Variants in STPG2 observed in about 807,000 individuals in gnomAD.
STPG2 encodes sperm-tail PG-rich repeat-containing protein 2.
Under a neutral mutation model 54.2 loss-of-function variants are expected in STPG2, and 56 were observed. The observed-to-expected ratio is 1.03, with a 90% CI of 0.83 to 1.29. The LOEUF (loss-of-function observed/expected upper bound fraction) is 1.29. Ranked by LOEUF, STPG2 falls within the 50% of genes most tolerant of loss-of-function variation. The pLI, the probability that STPG2 is intolerant of heterozygous loss-of-function variation, is 0.00. For synonymous variants in STPG2, 200 were observed against 181.8 expected (o/e 1.10, Z -0.81); for missense variants, 596 against 544.9 (o/e 1.09, Z -0.93).
Position 97,451,136 on chromosome 4 carries a change from G to A in STPG2, c.462+261563C>T, listed in dbSNP as rs191070365. 2.8e-3 allele frequency among the ~76,000 whole-genome samples: 429 copies of A among 152,130 alleles called. 3 individuals are homozygous for A. The highest frequency in any genetic ancestry group is 9.6e-3 in the African/African-American group (398 of 41,512). On this transcript the variant is annotated intron_variant, in intron 4 of 4. Transcript: ENST00000522676. ...GAAAGACCCAGGGTCAAGACTTTACGAACTCTCAAATTCATAGCCAGATAT... is the reference window on the plus strand; with the variant it reads ...GAAAGACCCAGGGTCAAGACTTTACAAACTCTCAAATTCATAGCCAGATAT...
At position 97,923,498 on chromosome 4, in the gene STPG2, G is replaced by A. The variant is rs183304088; in HGVS notation, c.1044+20399C>T. Among the ~76,000 whole-genome samples, 1,093 of 152,372 alleles carry A rather than the reference G, an allele frequency of 7.2e-3. 15 individuals are homozygous for A. The highest frequency in any genetic ancestry group is 7.6e-3 in the Non-Finnish European group (516 of 68,040). On this transcript the variant is annotated intron_variant, in intron 8 of 10. Transcript: ENST00000295268. ...CAGCTGGGCTCCTGAGTCTAGTGGG[G>A]ACTTGGAGAATCTTTATGTCTAGCT... is the stretch of plus-strand genomic sequence containing the variant.
intron 10 of STPG2, among the ~76,000 whole-genome samples, chr4:97,650,410 T>C (rs1347994489): frequency 1.3e-5 from 2 of 152,164 alleles, no homozygotes; most frequent in Non-Finnish European, 2.9e-5. Flanking sequence ...CTTGGTTTTA[T>C]ACATTTTAGG....
downstream of STPG2, among the ~76,000 whole-genome samples, chr4:97,554,643 C>T (rs1732038718): frequency 6.6e-6 from 1 of 152,156 alleles, no homozygotes; most frequent in Non-Finnish European, 1.5e-5. Context: ...CTATAAACAA[C>T]ATTCATATCT....
intron 10 of STPG2, among the ~76,000 whole-genome samples, chr4:97,574,902 T>G (rs896765337): frequency 2.0e-4 from 31 of 151,874 alleles, no homozygotes; most frequent in African/African-American, 5.3e-4. Context: ...TAGTTAATCT[T>G]CAAAGAAAAA....
chr4:97,844,977 T>C (rs936666066), intron 8 of STPG2, among the ~76,000 whole-genome samples: 1 of 152,064 alleles, frequency 6.6e-6, no homozygotes, highest in Non-Finnish European at 1.5e-5. Flanking sequence ...TTTTTATTTA[T>C]GTTTTTGTAC....
At chr4:97,614,996 A>G (rs1733822338) in intron 10 of STPG2, among the ~76,000 whole-genome samples, 1 of 152,152 alleles carries the variant, frequency 6.6e-6, no homozygotes, top group Non-Finnish European at 1.5e-5. Flanking sequence ...ACAGTTTTCA[A>G]CTTCAACATA....
intron 8 of STPG2, among the ~76,000 whole-genome samples, chr4:97,846,210 C>A (rs1728944365): frequency 1.3e-5 from 2 of 152,094 alleles, no homozygotes; most frequent in South Asian, 4.1e-4. Flanking sequence ...CAACTACAAG[C>A]TTCTTACTCA....
intron 10 of STPG2, among the ~76,000 whole-genome samples, chr4:97,585,856 CAG>C (rs1560673224): frequency 6.6e-6 from 1 of 151,806 alleles, no homozygotes; most frequent in African/African-American, 2.4e-5. Context: ...TGAACCTAAA[CAG>C]AGTGACTGTC....
At chr4:98,088,906 C>T (rs1440028504) in intron 5 of STPG2, among the ~76,000 whole-genome samples, 9 of 152,114 alleles carry the variant, frequency 5.9e-5, no homozygotes, top group Admixed American at 5.9e-4. Flanking sequence ...TAATATCGAA[C>T]TTCTGCAAAG....
At chr4:97,789,376 G>C (rs770617337) in intron 9 of STPG2, among the ~76,000 whole-genome samples, 10 of 151,888 alleles carry the variant, frequency 6.6e-5, no homozygotes, top group African/African-American at 2.4e-4. Context: ...CAATATGCAG[G>C]TGTTTCATCA....
At chr4:97,979,811 G>A (rs955816098) in intron 6 of STPG2, among the ~76,000 whole-genome samples, 6 of 149,442 alleles carry the variant, frequency 4.0e-5, no homozygotes, top group African/African-American at 1.2e-4. Context: ...TGCAACCTCC[G>A]CCTCCCAGGT....
chr4:97,536,829 C>A (rs1731543610), intron 4 of STPG2, among the ~76,000 whole-genome samples: 1 of 152,128 alleles, frequency 6.6e-6, no homozygotes, highest in African/African-American at 2.4e-5. Flanking sequence ...AAATATCTCA[C>A]AATGGAGAAT....
At chr4:98,130,949 AACG>A (rs1739976827) in intron 2 of STPG2, among the ~76,000 whole-genome samples, 1 of 126,360 alleles carries the variant, frequency 7.9e-6, no homozygotes. Context: ...ACAAAAAAAA[AACG>A]ACTTTCCAAA....
chr4:97,635,937 C>T (rs1407644022), intron 10 of STPG2, among the ~76,000 whole-genome samples: 1 of 150,788 alleles, frequency 6.6e-6, no homozygotes, highest in Non-Finnish European at 1.5e-5. Context: ...ATCAACGAGA[C>T]AGAAAGTCAA....
intron 10 of STPG2, among the ~76,000 whole-genome samples, chr4:97,643,467 T>G (rs780431769): frequency 1.5e-4 from 22 of 151,712 alleles, no homozygotes; most frequent in Non-Finnish European, 3.0e-4. Context: ...TTGAAACAGA[T>G]TTTGATACTC....
At chr4:97,444,275 G>A (rs1179561852) in intron 4 of STPG2, among the ~76,000 whole-genome samples, 1 of 152,102 alleles carries the variant, frequency 6.6e-6, no homozygotes, top group African/African-American at 2.4e-5. Flanking sequence ...CCAATAGAAA[G>A]ACATCAATCC....
chr4:97,561,633 A>G (rs1031249266), intron 10 of STPG2, among the ~76,000 whole-genome samples: 1 of 152,202 alleles, frequency 6.6e-6, no homozygotes, highest in Non-Finnish European at 1.5e-5. Flanking sequence ...TATAAGGGGT[A>G]AGGAAGGGAT....
chr4:97,728,466 G>A lies in STPG2; in HGVS notation c.1205-15652C>T, dbSNP rs1398194627. On this transcript the variant is annotated intron_variant, in intron 9 of 10. Coordinates refer to ENST00000295268, the MANE Select transcript of STPG2 (RefSeq NM_174952.3). Reference sequence around the variant, plus strand: ...AACTCGGTAGAAATTATTTCCTTTAGATTGAAGAAATCTATATGCAGAATT... The same window carrying A: ...AACTCGGTAGAAATTATTTCCTTTAAATTGAAGAAATCTATATGCAGAATT... Among the ~76,000 whole-genome samples the A allele has an allele frequency of 3.3e-5, 5 of 152,084 alleles. No homozygotes were observed. In the East Asian group the frequency reaches 9.6e-4, roughly 29 times the overall value.
intron 4 of STPG2, among the ~76,000 whole-genome samples, chr4:97,536,498 A>T (rs763128174): frequency 6.6e-6 from 1 of 152,150 alleles, no homozygotes; most frequent in Non-Finnish European, 1.5e-5. Context: ...AAGTTTCCTA[A>T]GGCCTCCCCA....
Sources: allele counts gnomAD v4.1 joint callset (sites outside exome capture counted in the v4.1 genomes callset), GRCh38; gene constraint gnomAD v4.1.1; transcripts MANE v1.5; gene names NCBI Gene and HGNC (gene_info 2026-07-23, HGNC 2026-07-21).